Variants in PABPC1 observed in about 807,000 individuals in gnomAD.
PABPC1 encodes poly(A) binding protein cytoplasmic 1, also known as polyadenylate-binding protein 1.
In PABPC1, 4 loss-of-function variants were observed where a neutral mutation model predicts 74.0. The ratio of observed to expected loss-of-function variants is 0.05; its 90% confidence interval spans 0.03 to 0.12. The LOEUF (loss-of-function observed/expected upper bound fraction) is 0.12, where lower values mean the gene tolerates loss of function less well. Among genes scored for constraint, PABPC1 ranks in the 10% least tolerant of loss-of-function variants. The pLI is 1.00. For missense variants in PABPC1, 271 were observed against 821.1 expected (o/e 0.33, Z 8.19); for synonymous variants, 227 against 264.1 (o/e 0.86, Z 1.36).
At chr8:100,713,530 C>T (rs1176139888) in intron 4 of PABPC1, among the ~76,000 whole-genome samples, 2 of 152,082 alleles carry the variant, frequency 1.3e-5, no homozygotes, top group Non-Finnish European at 2.9e-5. Flanking sequence ...CATTCCATTG[C>T]CCAGGCTGAA....
intron 14 of PABPC1, chr8:100,704,034 G>A (rs183750944): frequency 3.8e-5 from 12 of 316,670 alleles, no homozygotes; most frequent in African/African-American, 2.9e-4. Context: ...CAGGTTGGGC[G>A]ACAGAACGAA....
Position 100,709,819 on chromosome 8 carries a change from T to C in PABPC1, c.973-88A>G. ...TACAATTTAGACAATTATAAATCAC[T>C]GAATCAAATAACTAAACCCTGTTAA... On this transcript the variant is annotated intron_variant, in intron 7 of 14. Coordinates refer to ENST00000318607, the MANE Select transcript of PABPC1 (RefSeq NM_002568.4). 4 of 1,311,408 alleles carry C rather than the reference T, an allele frequency of 3.1e-6. No homozygotes were observed. The East Asian group carries it at 9.9e-5, about 32-fold the overall frequency. The allele number at this position is 1,311,408 out of a possible 1,614,324, so 81.2% of individuals were successfully genotyped here.
chr8:100,716,885 T>C (rs1197408950), intron 3 of PABPC1, among the ~76,000 whole-genome samples: 1 of 152,244 alleles, frequency 6.6e-6, no homozygotes, highest in African/African-American at 2.4e-5. Flanking sequence ...TTAGGACAGT[T>C]ACAAATTTCC....
chr8:100,704,512 G>A (rs1587142729), intron 13 of PABPC1, 122 bp from the exon 14 acceptor site: 1 of 846,374 alleles, frequency 1.2e-6, no homozygotes, highest in East Asian at 2.4e-5. Flanking sequence ...AGTATAAATT[G>A]TTACACTAAA....
chr8:100,707,088 A>G (rs1810400062), intron 9 of PABPC1, 91 bp from the exon 10 acceptor site: 1 of 898,912 alleles, frequency 1.1e-6, no homozygotes, highest in South Asian at 1.6e-5. Context: ...AGGTTTGCAT[A>G]AAAGACTAAA....
chr8:100,719,788 C>G (rs1810767013), intron 1 of PABPC1, among the ~76,000 whole-genome samples: 1 of 152,144 alleles, frequency 6.6e-6, no homozygotes, highest in South Asian at 2.1e-4. Context: ...AGAATTCATT[C>G]CCATGTTTTC....
intron 7 of PABPC1, 109 bp from the exon 8 acceptor site, chr8:100,709,840 G>A: frequency 8.4e-7 from 1 of 1,190,376 alleles, no homozygotes; most frequent in Non-Finnish European, 1.2e-6. Flanking sequence ...ACTAAACCCT[G>A]TTAATGCTTA....
At chr8:100,708,912 G>A (rs1420566428) in intron 9 of PABPC1, among the ~76,000 whole-genome samples, 1 of 133,732 alleles carries the variant, frequency 7.5e-6, no homozygotes, top group African/African-American at 3.3e-5. Flanking sequence ...AATAAAAAAT[G>A]AAGAGCTGTA....
intron 7 of PABPC1, 61 bp from the exon 8 acceptor site, chr8:100,709,792 G>T (rs564680687): frequency 4.1e-6 from 6 of 1,464,698 alleles, no homozygotes; most frequent in South Asian, 1.3e-5. Flanking sequence ...AAAAAAGAGC[G>T]TTACAATTTA....
At chr8:100,711,254 C>A (rs1445590059) in intron 7 of PABPC1, among the ~76,000 whole-genome samples, 2 of 151,868 alleles carry the variant, frequency 1.3e-5, no homozygotes, top group Non-Finnish European at 2.9e-5. Flanking sequence ...CACTCCAGCC[C>A]AGGCGAGAGT....
intron 1 of PABPC1, among the ~76,000 whole-genome samples, chr8:100,719,950 T>C (rs1810771813): frequency 6.6e-6 from 1 of 152,248 alleles, no homozygotes; most frequent in Non-Finnish European, 1.5e-5. Flanking sequence ...AAACCTGCAG[T>C]GCAGTTTTAC....
At chr8:100,706,580 C>A (rs1810384492) in intron 11 of PABPC1, 71 bp downstream of exon 11, 2 of 1,394,374 alleles carry the variant, frequency 1.4e-6, no homozygotes, top group East Asian at 4.8e-5. Context: ...AGCCACTGTG[C>A]CCAGCTGTCT....
chr8:100,717,104 G>A lies in PABPC1; in HGVS notation c.503+669C>T, dbSNP rs111808467. Among the ~76,000 whole-genome samples the A allele has an allele frequency of 2.3e-3, 356 of 152,164 alleles. 3 individuals carry two copies. The highest frequency in any genetic ancestry group is 1.0e-2 in the South Asian group (48 of 4,812). On this transcript the variant is annotated intron_variant, in intron 3 of 14. Coordinates refer to ENST00000318607, the MANE Select transcript of PABPC1 (RefSeq NM_002568.4). ...CGGTTCACTGCAACCTCCGCCTCCC[G>A]GGTTTAAGTGATTCTCCTGCCTCAG...
chr8:100,717,910 T>A lies in PABPC1; in HGVS notation c.388-22A>T, dbSNP rs373754332. 32 of 1,435,632 alleles carry A rather than the reference T, an allele frequency of 2.2e-5. No individual in the cohort carries two copies. The African/African-American group carries it at 4.4e-4, about 20-fold the overall frequency. The allele number at this position is 1,435,632 out of a possible 1,614,324, so 88.9% of individuals were successfully genotyped here. A position where few individuals can be genotyped will look rare whatever the true frequency, so the allele number is the denominator to read the frequency against. On this transcript the variant is annotated intron_variant, in intron 2 of 14. Coordinates refer to ENST00000318607, the MANE Select transcript of PABPC1 (RefSeq NM_002568.4). ...CCACCTAGGGAAAAACATATACCCA[T>A]TTTTCTTTATTTGCTATTGATTTAA... is the stretch of plus-strand genomic sequence containing the variant.
At chr8:100,715,122 T>TACACACACACACAC (rs56819980) in intron 4 of PABPC1, among the ~76,000 whole-genome samples, 59 of 131,394 alleles carry the variant, frequency 4.5e-4, no homozygotes, top group African/African-American at 1.4e-3. Context: ...GATCTCTAAT[T>TACACACACACACAC]ACACACACAC....
At chr8:100,709,866 C>A in intron 7 of PABPC1, 135 bp from the exon 8 acceptor site, 4 of 993,320 alleles carry the variant, frequency 4.0e-6, no homozygotes, top group Non-Finnish European at 5.7e-6. Context: ...CTTGTATTTA[C>A]CCATTGAGTT....
chr8:100,715,571 T>C lies in PABPC1; in HGVS notation c.534A>G (p.Glu178=). ...CCCTAGCTCCAAGTTCAGCTTCTCG[T>C]TCTTTACGAGACTTAAATCGTCCAA... is the stretch of plus-strand genomic sequence containing the variant. ...VFVGRFKSRK[E]REAELGARAK... is the part of the protein sequence containing the mutation. The change falls in exon 4 of 15, where the codon GAA becomes GAG. Residue 178 remains glutamate, a synonymous_variant. Transcript: ENST00000318607. 4 of 1,612,326 alleles carry C rather than the reference T, an allele frequency of 2.5e-6. No homozygotes were observed. Among genetic ancestry groups the C allele is most frequent in the Non-Finnish European group, 3.4e-6 (4 of 1,178,784 alleles).
At position 100,708,242 on chromosome 8, in the gene PABPC1, A is replaced by C. The variant is rs941959459; in HGVS notation, c.1336+891T>G. Among the ~76,000 whole-genome samples the C allele has an allele frequency of 3.3e-5, 5 of 152,292 alleles. No individual in the cohort carries two copies. In the South Asian group the frequency reaches 8.3e-4, roughly 25 times the overall value. On this transcript the variant is annotated intron_variant, in intron 9 of 14. Transcript: ENST00000318607. ...ATATACCTGAAACATAATCATGATA[A>C]AATTCTAAGTGCTCCCAGCCTGGCC...
intron 12 of PABPC1, 64 bp from the exon 13 acceptor site, chr8:100,705,120 C>A: frequency 7.4e-7 from 1 of 1,344,950 alleles, no homozygotes; most frequent in Non-Finnish European, 1.0e-6. Context: ...CATTGAATTA[C>A]CACATTAAAC....
Sources: gnomAD v4.1 joint callset for allele counts (sites outside exome capture counted in the v4.1 genomes callset) on GRCh38, gnomAD v4.1.1 for gene constraint, MANE v1.5 for transcripts, NCBI Gene and HGNC (gene_info 2026-07-23, HGNC 2026-07-21) for gene names.